The following MYRFL variants were observed in gnomAD, a reference collection of about 807,000 sequenced individuals.
MYRFL encodes myelin regulatory factor-like protein.
In MYRFL, 88 loss-of-function variants were observed where a neutral mutation model predicts 109.4. The ratio of observed to expected loss-of-function variants is 0.80; its 90% CI spans 0.68 to 0.96. The LOEUF is 0.96. Ranked by LOEUF, MYRFL falls within the 40% of genes least tolerant of loss-of-function variation. The pLI is 0.00. For missense variants in MYRFL, 957 were observed against 954.9 expected, an observed-to-expected ratio of 1.00 and a Z score of -0.03; for synonymous variants, 324 against 320.9, an observed-to-expected ratio of 1.01 and a Z score of -0.10.
At chr12:69,846,104 A>ACCTTTTTTT (rs1317866261) in intron 1 of MYRFL, among the ~76,000 whole-genome samples, 1 of 52,308 alleles carries the variant, frequency 1.9e-5, no homozygotes, top group Non-Finnish European at 3.5e-5. Context: ...GCTATTGACT[A>ACCTTTTTTT]TCTTTTTTTT....
chr12:69,866,510 G>A (rs1474885038), intron 2 of MYRFL, among the ~76,000 whole-genome samples: 1 of 152,150 alleles, frequency 6.6e-6, no homozygotes, highest in Non-Finnish European at 1.5e-5. Flanking sequence ...TATCACAACA[G>A]CACTGGGATG....
At chr12:69,869,566 A>G (rs1320601919) in intron 2 of MYRFL, among the ~76,000 whole-genome samples, 1 of 152,206 alleles carries the variant, frequency 6.6e-6, no homozygotes. Flanking sequence ...GGTCATATGT[A>G]GTTTAACACA....
At chr12:69,840,372 C>T (rs1883176690) in intron 1 of MYRFL, among the ~76,000 whole-genome samples, 1 of 152,176 alleles carries the variant, frequency 6.6e-6, no homozygotes, top group Non-Finnish European at 1.5e-5. Flanking sequence ...GGTACAAATT[C>T]ACCTGATTCT....
chr12:69,848,234 T>C (rs1261815432), intron 1 of MYRFL, among the ~76,000 whole-genome samples: 1 of 152,092 alleles, frequency 6.6e-6, no homozygotes, highest in East Asian at 1.9e-4. Flanking sequence ...TTGGTAAATA[T>C]CCCTTTTTTA....
intron 1 of MYRFL, among the ~76,000 whole-genome samples, chr12:69,843,360 A>G (rs1347561787): frequency 6.6e-6 from 1 of 152,230 alleles, no homozygotes; most frequent in African/African-American, 2.4e-5. Context: ...AGTTGTTGGA[A>G]CAAATTTTGT....
chr12:69,929,726 C>A (rs557830311), intron 15 of MYRFL, among the ~76,000 whole-genome samples: 1 of 152,266 alleles, frequency 6.6e-6, no homozygotes, highest in East Asian at 1.9e-4. Flanking sequence ...ATTCTGGAGC[C>A]AATTTTTGTG....
intron 1 of MYRFL, among the ~76,000 whole-genome samples, chr12:69,833,844 TTTTC>T (rs1304579642): frequency 6.6e-6 from 1 of 151,494 alleles, no homozygotes; most frequent in Non-Finnish European, 1.5e-5. Flanking sequence ...TTTTTTTTTT[TTTTC>T]GGTACAATTT....
intron 5 of MYRFL, among the ~76,000 whole-genome samples, chr12:69,886,225 A>G (rs1337988987): frequency 6.6e-6 from 1 of 152,196 alleles, no homozygotes; most frequent in Non-Finnish European, 1.5e-5. Flanking sequence ...AACTCAGATG[A>G]CACCATGAGG....
intron 7 of MYRFL, among the ~76,000 whole-genome samples, chr12:69,891,589 CTTTCTTTCTTTCTT>C (rs1886819174): frequency 7.2e-6 from 1 of 139,156 alleles, no homozygotes; most frequent in African/African-American, 3.0e-5. Context: ...TTCTTTCTTT[CTTTCTTTCTTTCTT>C]TCTCTTTCTT....
chr12:69,878,546 C>G (rs975234156), intron 2 of MYRFL, among the ~76,000 whole-genome samples: 27 of 152,114 alleles, frequency 1.8e-4, no homozygotes, highest in African/African-American at 5.8e-4. Context: ...TAATTTAATA[C>G]ATCCATGTAA....
At chr12:69,905,080 A>G (rs865907642) in intron 11 of MYRFL, among the ~76,000 whole-genome samples, 3 of 152,170 alleles carry the variant, frequency 2.0e-5, no homozygotes, top group Non-Finnish European at 2.9e-5. Flanking sequence ...TCTTACATAC[A>G]TTTCCAGATG....
intron 2 of MYRFL, among the ~76,000 whole-genome samples, chr12:69,877,995 C>T (rs900470930): frequency 2.6e-5 from 4 of 152,176 alleles, no homozygotes; most frequent in African/African-American, 9.7e-5. Flanking sequence ...GTAATCCCTA[C>T]ATTTTGGGAG....
intron 13 of MYRFL, among the ~76,000 whole-genome samples, chr12:69,915,272 C>G (rs570832462): frequency 6.6e-6 from 1 of 152,146 alleles, no homozygotes; most frequent in Non-Finnish European, 1.5e-5. Flanking sequence ...TTTGCCAGGA[C>G]GTCCTGGGCT....
In MYRFL at chr12:69,958,546, G is replaced by T; in HGVS notation, c.*15G>T. 6.6e-7 allele frequency: 1 copy of T among 1,512,442 alleles called. No individual in the cohort carries two copies. The highest frequency in any genetic ancestry group is 8.8e-7 in the Non-Finnish European group (1 of 1,133,670). The allele number at this position is 1,512,442 out of a possible 1,614,324, so 93.7% of individuals were successfully genotyped here. On this transcript the variant is annotated 3_prime_UTR_variant, in exon 25 of 25. Coordinates refer to ENST00000552032, the MANE Select transcript of MYRFL (RefSeq NM_182530.3). ...GCTGTGCCTAATTTGTTCAAGTTTG[G>T]GGACTTTACCAAAGAAAAATACTCA...
intron 1 of MYRFL, among the ~76,000 whole-genome samples, chr12:69,848,285 A>C (rs1178204874): frequency 6.6e-6 from 1 of 152,004 alleles, no homozygotes; most frequent in African/African-American, 2.4e-5. Context: ...TCACATTAGC[A>C]TTCTTTGAGA....
At chr12:69,936,660 A>G in intron 19 of MYRFL, 28 bp downstream of exon 19, 1 of 1,467,704 alleles carries the variant, frequency 6.8e-7, no homozygotes, top group East Asian at 2.5e-5. Flanking sequence ...AGAAACAACT[A>G]GAGCTTTGAA....
intron 2 of MYRFL, among the ~76,000 whole-genome samples, chr12:69,865,959 T>C (rs2136326806): frequency 6.6e-6 from 1 of 152,310 alleles, no homozygotes; most frequent in East Asian, 1.9e-4. Flanking sequence ...ATATATCTCG[T>C]TCTCTTAACT....
At chr12:69,916,520 TTCTTTATTC>T (rs1266805512) in intron 13 of MYRFL, among the ~76,000 whole-genome samples, 1 of 152,220 alleles carries the variant, frequency 6.6e-6, no homozygotes. Context: ...ATCAGTTCTC[TTCTTTATTC>T]TCTTTATTCT....
chr12:69,832,398 A>T (rs1021530785), intron 1 of MYRFL, among the ~76,000 whole-genome samples: 1 of 152,318 alleles, frequency 6.6e-6, no homozygotes, highest in Admixed American at 6.5e-5. Flanking sequence ...TCCTTGCCTT[A>T]TAGTGGCTTC....
Sources: gnomAD v4.1 joint callset for allele counts (sites outside exome capture counted in the v4.1 genomes callset) on GRCh38, gnomAD v4.1.1 for gene constraint, MANE v1.5 for transcripts, NCBI Gene and HGNC (gene_info 2026-07-23, HGNC 2026-07-21) for gene names.